TNFAIP1: variants seen among roughly 807,000 people sequenced by gnomAD.
TNFAIP1 encodes TNF alpha induced protein 1.
Under a neutral mutation model 32.6 loss-of-function variants are expected in TNFAIP1, and 20 were observed. The ratio of observed to expected loss-of-function variants is 0.61; its 90% confidence interval spans 0.43 to 0.89. The LOEUF is 0.89. Among genes scored for constraint, TNFAIP1 ranks in the 40% least tolerant of loss-of-function variants. The pLI is 0.00. For synonymous variants in TNFAIP1, 166 were observed against 166.8 expected (o/e 1.00, Z 0.04); for missense variants, 319 against 425.1 (o/e 0.75, Z 2.20).
At chr17:28,336,313 C>T (rs1907154338) in intron 1 of TNFAIP1, among the ~76,000 whole-genome samples, 3 of 152,104 alleles carry the variant, frequency 2.0e-5, no homozygotes, top group African/African-American at 7.2e-5. Flanking sequence ...CCCAAATATC[C>T]ACACACAAAG....
At position 28,344,488 on chromosome 17, in the gene TNFAIP1, G is replaced by A; in HGVS notation, c.839G>A (p.Ser280Asn). ...TSRSRSQASP[S>N]EDEETFELRD... ...CGTAGCCGCAGCCAGGCTTCCCCCA[G>A]TGAAGATGAGGAGACCTTTGAACTG... is the stretch of plus-strand genomic sequence containing the variant. The change falls in exon 7 of 7, where the codon AGT becomes AAT. Residue 280 changes from serine to asparagine, a missense_variant. Ser to Asn is a conservative substitution (Grantham distance 46). Transcript: ENST00000226225. 1.9e-6 allele frequency: 3 copies of A among 1,614,012 alleles called. No homozygotes were observed. The highest frequency in any genetic ancestry group is 2.5e-6 in the Non-Finnish European group (3 of 1,180,028).
Position 28,342,220 on chromosome 17 carries a change from G to GT in TNFAIP1, c.519-27_519-26insT. The GT allele has an allele frequency of 7.1e-7, 1 of 1,403,758 alleles. No homozygotes were observed. 87.0% of individuals were successfully genotyped at this position (1,403,758 alleles called of 1,614,324 possible). On this transcript the variant is annotated intron_variant, in intron 5 of 6. Transcript: ENST00000226225. The surrounding 1 kb of genome is among the most constrained non-coding windows in gnomAD (Gnocchi z 4.0). ...CCCTTGGACTGGAACCTCACTCCCA[G>GT]CCGCTTGGCCCTCATGTTTTTTTCA...
chr17:28,336,930 T>C (rs1158671558), intron 1 of TNFAIP1, among the ~76,000 whole-genome samples: 2 of 152,260 alleles, frequency 1.3e-5, no homozygotes, highest in African/African-American at 4.8e-5. Context: ...GTGCATGGCA[T>C]TGTGCTGAGC....
In TNFAIP1 at chr17:28,344,558, C is replaced by G. The variant is rs138477954; in HGVS notation, c.909C>G (p.Tyr303Ter). Residue 303 changes from tyrosine to a stop codon, truncating the protein, a stop_gained, in exon 7 of 7, where the codon TAC (tyrosine) becomes TAG (stop). Coordinates refer to ENST00000226225, the MANE Select transcript of TNFAIP1 (RefSeq NM_021137.5). LOFTEE classifies it high-confidence loss of function. ...RRIHVKRYST[Y>*]DDRQLGHQST... is the part of the protein sequence containing the mutation. ...TCCACGTCAAGCGCTACAGCACTTA[C>G]GATGACCGGCAGCTCGGCCACCAGT... 31 of 1,613,642 alleles carry G rather than the reference C, an allele frequency of 1.9e-5. No homozygotes were observed. Among genetic ancestry groups the G allele is most frequent in the Non-Finnish European group, 2.6e-5 (31 of 1,180,034 alleles).
At position 28,344,426 on chromosome 17, in the gene TNFAIP1, C is replaced by G; in HGVS notation, c.777C>G (p.Pro259=). Residue 259 remains proline, a synonymous_variant, in exon 7 of 7, where the codon CCC becomes CCG. Coordinates refer to ENST00000226225, the MANE Select transcript of TNFAIP1 (RefSeq NM_021137.5). ...TCAACGTCCTACTCTATGAGACTCC[C>G]CGCGTCCCCGACAACTCCTTGTTGG... ...ETLNVLLYET[P]RVPDNSLLEA... is the part of the protein sequence containing the mutation. 1 of 1,614,020 alleles carries G rather than the reference C, an allele frequency of 6.2e-7. No individual in the cohort carries two copies. Among genetic ancestry groups the G allele is most frequent in the East Asian group, 2.2e-5 (1 of 44,888 alleles).
Position 28,335,844 on chromosome 17 carries a change from G to T in TNFAIP1, c.-127G>T, listed in dbSNP as rs1403491953. ...TGGCCACCCAGCTGAGAGGAGAGGC[G>T]CCCCCGGGGACGGTGAGAGCCGGGC... On this transcript the variant is annotated 5_prime_UTR_variant, in exon 1 of 7. Transcript: ENST00000226225. The T allele has an allele frequency of 6.6e-6, 1 of 152,262 alleles. No homozygotes were observed. The highest frequency in any genetic ancestry group is 1.5e-5 in the Non-Finnish European group (1 of 68,134). 9.4% of individuals were successfully genotyped at this position (152,262 alleles called of 1,614,324 possible). A position where few individuals can be genotyped will look rare whatever the true frequency, so the allele number is the denominator to read the frequency against.
rs1907400936 is a variant in TNFAIP1 at position 28,342,453 on chromosome 17, T to C, written c.714+11T>C. The C allele has an allele frequency of 2.5e-6, 4 of 1,572,838 alleles. No individual in the cohort carries two copies. Among genetic ancestry groups the C allele is most frequent in the East Asian group, 2.3e-5 (1 of 43,870 alleles). ...AAGAAGCAGACCAAGGTGTGGGGGATTGCCCCTGCCTGGGTAGGGGAGGAC... is the reference window on the plus strand; with the variant it reads ...AAGAAGCAGACCAAGGTGTGGGGGACTGCCCCTGCCTGGGTAGGGGAGGAC... On this transcript the variant is annotated intron_variant, in intron 6 of 6. Coordinates refer to ENST00000226225, the MANE Select transcript of TNFAIP1 (RefSeq NM_021137.5). The surrounding 1 kb of genome is among the most constrained non-coding windows in gnomAD (Gnocchi z 4.0).
chr17:28,341,424 C>A lies in TNFAIP1; in HGVS notation c.486C>A (p.Tyr162Ter). Residue 162 changes from tyrosine (Y) to a stop codon, truncating the protein, a stop_gained, in exon 5 of 7, where the codon TAC becomes TAA. Coordinates refer to ENST00000226225, the MANE Select transcript of TNFAIP1 (RefSeq NM_021137.5). LOFTEE classifies it high-confidence loss of function. ...CACAGCCCGTGGTGAAGCTGCTGTA[C>A]AACAGAAGCAACAACAAGTATTCCT... ...SSTKPVVKLL[Y>*]NRSNNKYSYT... 6.2e-7 allele frequency: 1 copy of A among 1,614,186 alleles called. No individual in the cohort carries two copies. Among genetic ancestry groups the A allele is most frequent in the Non-Finnish European group, 8.5e-7 (1 of 1,180,020 alleles).
intron 1 of TNFAIP1, among the ~76,000 whole-genome samples, chr17:28,338,669 T>G (rs967746337): frequency 3.9e-5 from 6 of 151,928 alleles, no homozygotes; most frequent in African/African-American, 1.5e-4. Flanking sequence ...ATCCTGTCCC[T>G]CTGGCTCCTG....
intron 6 of TNFAIP1, among the ~76,000 whole-genome samples, chr17:28,343,027 T>A (rs1288107433): frequency 2.6e-5 from 4 of 151,966 alleles, no homozygotes; most frequent in African/African-American, 9.7e-5. Flanking sequence ...ATAGAAAAAT[T>A]AGCCAGGCAT....
intron 6 of TNFAIP1, among the ~76,000 whole-genome samples, chr17:28,343,243 T>C (rs1357520356): frequency 6.6e-6 from 1 of 152,150 alleles, no homozygotes; most frequent in African/African-American, 2.4e-5. Flanking sequence ...CAGGAGGCAT[T>C]TGATAGGTGA....
rs533797536 is a variant in TNFAIP1 at position 28,347,005 on chromosome 17, C to A, written c.*2405C>A. Reference sequence around the variant, plus strand: ...TAATTTCTAATAAAATTGTGTTAAACTCAATGGTACAGAGCCATGTTTACA... The same window carrying A: ...TAATTTCTAATAAAATTGTGTTAAAATCAATGGTACAGAGCCATGTTTACA... On this transcript the variant is annotated 3_prime_UTR_variant, in exon 7 of 7. Transcript: ENST00000226225. The A allele has an allele frequency of 3.9e-5, 6 of 152,330 alleles. No homozygotes were observed. The South Asian group carries it at 1.2e-3, about 32-fold the overall frequency. 9.4% of individuals were successfully genotyped at this position (152,330 alleles called of 1,614,324 possible). A position where few individuals can be genotyped will look rare whatever the true frequency, so the allele number is the denominator to read the frequency against.
In TNFAIP1 at chr17:28,340,186, G is replaced by T. The variant is rs753864357; in HGVS notation, c.206-123G>T. ...TCCATCCCCGCCTCTGTCACCCTGCGTAAGGGCTTTGTGCTCGTGGACCCC... is the reference window on the plus strand; with the variant it reads ...TCCATCCCCGCCTCTGTCACCCTGCTTAAGGGCTTTGTGCTCGTGGACCCC... On this transcript the variant is annotated intron_variant, in intron 2 of 6. Transcript: ENST00000226225. This position sits in a 1 kb window ranked among gnomAD's most constrained non-coding sequence, Gnocchi z 4.1. 5 of 999,048 alleles carry T rather than the reference G, an allele frequency of 5.0e-6. No individual in the cohort carries two copies. The highest frequency in any genetic ancestry group is 4.5e-5 in the South Asian group (3 of 66,950). The allele number at this position is 999,048 out of a possible 1,614,324, so 61.9% of individuals were successfully genotyped here.
rs1393006773 is a variant in TNFAIP1, at chr17:28,346,223, A to G, written c.*1623A>G. 1.3e-5 allele frequency: 2 copies of G among 152,214 alleles called. No homozygotes were observed. Among genetic ancestry groups the G allele is most frequent in the Non-Finnish European group, 2.9e-5 (2 of 68,042 alleles). 9.4% of individuals were successfully genotyped at this position (152,214 alleles called of 1,614,324 possible). A position where few individuals can be genotyped will look rare whatever the true frequency, so the allele number is the denominator to read the frequency against. ...CAGTCTTGAATGTATAAACAGCACT[A>G]AGACTCTCAGGTCAGGTACCTTGGT... On this transcript the variant is annotated 3_prime_UTR_variant, in exon 7 of 7. Transcript: ENST00000226225.
At chr17:28,337,381 C>A (rs1307308656) in intron 1 of TNFAIP1, among the ~76,000 whole-genome samples, 7 of 152,112 alleles carry the variant, frequency 4.6e-5, no homozygotes, top group Admixed American at 4.6e-4. Flanking sequence ...CCATTATGAC[C>A]GTATTTCTGA....
rs150639318 is a variant in TNFAIP1 at position 28,346,937 on chromosome 17, CTG to C, written c.*2339_*2340del. 1.6e-3 allele frequency: 238 copies of C among 152,304 alleles called. 1 individual carries two copies. The highest frequency in any genetic ancestry group is 5.5e-3 in the African/African-American group (228 of 41,564). 9.4% of individuals were successfully genotyped at this position (152,304 alleles called of 1,614,324 possible). On this transcript the variant is annotated 3_prime_UTR_variant, in exon 7 of 7. Transcript: ENST00000226225. ...AAAGAATTTTTCCTTTATCACATAA[CTG>C]TAATATTTGGTTGCTCAGCATAAGT...
chr17:28,342,327 T>G lies in TNFAIP1; in HGVS notation c.599T>G (p.Ile200Ser). 1.9e-6 allele frequency: 3 copies of G among 1,606,950 alleles called. No individual in the cohort carries two copies. ...CGCTTCAACGGCCGCGTGCTCTTCA[T>G]CAAGGATGTCATTGGTGACGAGATC... is the stretch of plus-strand genomic sequence containing the variant. ...SLRFNGRVLF[I>S]KDVIGDEICC... Residue 200 changes from isoleucine (I) to serine (S), a missense_variant, in exon 6 of 7, where the codon ATC becomes AGC. Transcript: ENST00000226225. The surrounding 1 kb of genome is among the most constrained non-coding windows in gnomAD (Gnocchi z 4.0).
chr17:28,339,382 T>A, intron 1 of TNFAIP1, 26 bp from the exon 2 acceptor site: 1 of 774,554 alleles, frequency 1.3e-6, no homozygotes, highest in Non-Finnish European at 1.9e-6. Flanking sequence ...CTGGTTCGTG[T>A]CTTCTCTTCC....
At chr17:28,343,681 C>T (rs1032109125) in intron 6 of TNFAIP1, among the ~76,000 whole-genome samples, 1 of 151,882 alleles carries the variant, frequency 6.6e-6, no homozygotes, top group African/African-American at 2.4e-5. Context: ...TTCATGAACT[C>T]GTGTGACCCC....
Sources: gnomAD v4.1 joint callset for allele counts (sites outside exome capture counted in the v4.1 genomes callset) on GRCh38, gnomAD v4.1.1 for gene constraint, Gnocchi (gnomAD v3.1) non-coding constraint, MANE v1.5 for transcripts, NCBI Gene and HGNC (gene_info 2026-07-23, HGNC 2026-07-21) for gene names.